PCDHA3: variants seen among roughly 807,000 people sequenced by gnomAD.
PCDHA3 encodes protocadherin alpha 3.
PCDHA3 carries 41 observed loss-of-function variants against 62.2 expected under a neutral mutation model. That is an observed-to-expected ratio of 0.66 (90% CI 0.51 to 0.86). The LOEUF (loss-of-function observed/expected upper bound fraction) is 0.86. PCDHA3 is among the 40% of genes least tolerant of loss of function. The pLI, the probability that PCDHA3 is intolerant of heterozygous loss-of-function variation, is 0.00. For synonymous variants in PCDHA3, 640 were observed against 555.4 expected, an observed-to-expected ratio of 1.15 and a Z score of -2.14; for missense variants, 1,304 against 1,241.2, an observed-to-expected ratio of 1.05 and a Z score of -0.76.
chr5:140,976,556 T>G (rs2096722872), intron 1 of PCDHA3, among the ~76,000 whole-genome samples: 1 of 151,920 alleles, frequency 6.6e-6, no homozygotes, highest in African/African-American at 2.4e-5. Flanking sequence ...ATCTCATAAA[T>G]AAATAAATAA....
chr5:140,844,257 G>A lies in PCDHA3; in HGVS notation c.2394+40666G>A, dbSNP rs1328189428. Among the ~76,000 whole-genome samples, 4 of 149,406 alleles carry A rather than the reference G, an allele frequency of 2.7e-5. 1 individual carries two copies. Among genetic ancestry groups the A allele is most frequent in the African/African-American group, 9.8e-5 (4 of 40,832 alleles). ...CACTATTGCCGTTTTAAGCAGTGTA[G>A]TGATAAAATACAGAATGATAGTGTT... On this transcript the variant is annotated intron_variant, in intron 1 of 3. Transcript: ENST00000522353.
intron 1 of PCDHA3, chr5:140,882,302 C>T (rs2059055627): frequency 1.2e-6 from 2 of 1,613,794 alleles, no homozygotes; most frequent in Non-Finnish European, 8.5e-7. Context: ...CCCAAGACCG[C>T]GGCAACTACT....
chr5:140,983,924 A>G (rs1554245819), intron 3 of PCDHA3, among the ~76,000 whole-genome samples: 1 of 152,216 alleles, frequency 6.6e-6, no homozygotes, highest in African/African-American at 2.4e-5. Flanking sequence ...AGGATTTGCT[A>G]TTTATGGATG....
rs139246893 is a variant in PCDHA3 at position 140,808,648 on chromosome 5, C to T, written c.2394+5057C>T. On this transcript the variant is annotated intron_variant, in intron 1 of 3. Coordinates refer to ENST00000522353, the MANE Select transcript of PCDHA3 (RefSeq NM_018906.3). Reference sequence around the variant, plus strand: ...CGTGGGACGCGGACGCGCAGGAGAACGCGCTGGTGTCCTACTCGCTGGTAG... The same window carrying T: ...CGTGGGACGCGGACGCGCAGGAGAATGCGCTGGTGTCCTACTCGCTGGTAG... 1.2e-5 allele frequency: 19 copies of T among 1,613,212 alleles called. No individual in the cohort carries two copies. In the African/African-American group the frequency reaches 2.5e-4, roughly 22 times the overall value.
At chr5:140,871,497 G>T in intron 1 of PCDHA3, 1 of 1,586,946 alleles carries the variant, frequency 6.3e-7, no homozygotes, top group East Asian at 2.3e-5. Context: ...CCGGACAGGT[G>T]AGTTTTCTAC....
In PCDHA3 at chr5:140,876,678, G is replaced by C. The variant is rs782561315; in HGVS notation, c.2394+73087G>C. ...CCTTCAAGCTGGTGTCCACCTACAA[G>C]AATTACTACTCGTTGGTGCTGGACA... On this transcript the variant is annotated intron_variant, in intron 1 of 3. Coordinates refer to ENST00000522353, the MANE Select transcript of PCDHA3 (RefSeq NM_018906.3). The C allele has an allele frequency of 1.9e-6, 3 of 1,614,100 alleles. No individual in the cohort carries two copies. In the East Asian group the frequency reaches 6.7e-5, roughly 36 times the overall value.
chr5:140,926,954 A>T, intron 1 of PCDHA3: 1 of 1,597,602 alleles, frequency 6.3e-7, no homozygotes, highest in Non-Finnish European at 8.6e-7. Flanking sequence ...GCAGCGGGAC[A>T]GCTCGAGTAC....
At chr5:140,962,817 G>C (rs555403742) in intron 1 of PCDHA3, among the ~76,000 whole-genome samples, 1 of 152,202 alleles carries the variant, frequency 6.6e-6, no homozygotes, top group Non-Finnish European at 1.5e-5. Flanking sequence ...CATCAGAGAT[G>C]ACCATTTGTC....
In PCDHA3 at chr5:140,801,670, C is replaced by A; in HGVS notation, c.473C>A (p.Ser158Ter). 1 of 1,614,208 alleles carries A rather than the reference C, an allele frequency of 6.2e-7. No individual in the cohort carries two copies. Among genetic ancestry groups the A allele is most frequent in the Non-Finnish European group, 8.5e-7 (1 of 1,180,042 alleles). ...TCTCGGTTTTCGCTAGAGGGCGCAT[C>A]AGATGCAGATATCGGAACAAATTCG... ...PGSRFSLEGA[S>*]DADIGTNSLL... Residue 158 changes from serine to a stop codon, truncating the protein, a stop_gained, in exon 1 of 4, where the codon TCA becomes TAA. Transcript: ENST00000522353. LOFTEE classifies it high-confidence loss of function.
chr5:140,830,293 G>A (rs2150184620), intron 1 of PCDHA3: 3 of 1,613,856 alleles, frequency 1.9e-6, no homozygotes, highest in Non-Finnish European at 2.5e-6. Flanking sequence ...CGTGCACGGC[G>A]GACAAGCCCA....
At chr5:140,871,809 A>G (rs1489306606) in intron 1 of PCDHA3, among the ~76,000 whole-genome samples, 1 of 152,260 alleles carries the variant, frequency 6.6e-6, no homozygotes. Flanking sequence ...TATTTTCACT[A>G]AAGTACCCAT....
At position 141,010,004 on chromosome 5, in the gene PCDHA3, A is replaced by T; in HGVS notation, c.*67A>T. 1 of 1,573,418 alleles carries T rather than the reference A, an allele frequency of 6.4e-7. No individual in the cohort carries two copies. The highest frequency in any genetic ancestry group is 8.6e-7 in the Non-Finnish European group (1 of 1,163,824). ...TAATGGCAAATCTCTCCCATGTAGC[A>T]ATTCCCTGCTCCTTTTTCCTATCTA... On this transcript the variant is annotated 3_prime_UTR_variant, in exon 4 of 4. Transcript: ENST00000522353.
At chr5:140,965,037 C>T (rs1260839947) in intron 1 of PCDHA3, among the ~76,000 whole-genome samples, 1 of 152,142 alleles carries the variant, frequency 6.6e-6, no homozygotes, top group African/African-American at 2.4e-5. Context: ...TAACTGTCCG[C>T]TCTAGGAGGG....
At chr5:140,842,084 G>T in intron 1 of PCDHA3, 1 of 1,613,876 alleles carries the variant, frequency 6.2e-7, no homozygotes, top group South Asian at 1.1e-5. Flanking sequence ...ATTCGAAAAC[G>T]CAGACAACGG....
At chr5:140,978,881 A>G in intron 1 of PCDHA3, 68 bp from the exon 2 acceptor site, 1 of 1,610,922 alleles carries the variant, frequency 6.2e-7, no homozygotes, top group Non-Finnish European at 8.5e-7. Flanking sequence ...TAACTAATCA[A>G]TTAGCAGCAT....
chr5:140,834,356 G>A, intron 1 of PCDHA3: 1 of 1,542,744 alleles, frequency 6.5e-7, no homozygotes, highest in Non-Finnish European at 8.7e-7. Context: ...AAGTTTTGCT[G>A]ACTAGAAAAA....
At chr5:140,973,324 C>T (rs1261856526) in intron 1 of PCDHA3, among the ~76,000 whole-genome samples, 4 of 152,174 alleles carry the variant, frequency 2.6e-5, no homozygotes, top group Admixed American at 1.3e-4. Context: ...ACAGAGTTTA[C>T]ACTCGTTGTA....
chr5:140,832,432 T>C (rs1554133529), intron 1 of PCDHA3, among the ~76,000 whole-genome samples: 1 of 152,236 alleles, frequency 6.6e-6, no homozygotes, highest in Non-Finnish European at 1.5e-5. Flanking sequence ...TACATGATAA[T>C]TTTTAAGCGT....
chr5:140,837,159 G>C (rs2150273625), intron 1 of PCDHA3: 152,415 of 152,748 alleles, frequency 1, 76,046 homozygotes, highest in East Asian at 1. Flanking sequence ...ATAAAATATA[G>C]CTGTGTCAAA....
Sources: gnomAD v4.1 joint callset for allele counts (sites outside exome capture counted in the v4.1 genomes callset) on GRCh38, gnomAD v4.1.1 for gene constraint, MANE v1.5 for transcripts, NCBI Gene and HGNC (gene_info 2026-07-23, HGNC 2026-07-21) for gene names.